Variants in PTK2 observed in about 807,000 individuals in gnomAD.
PTK2 encodes the protein protein tyrosine kinase 2.
In PTK2, 45 loss-of-function variants were observed where a neutral mutation model predicts 150.1. That is an observed-to-expected ratio of 0.30 (90% CI 0.24 to 0.38). The LOEUF is 0.38. Among genes scored for constraint, PTK2 ranks in the 10% least tolerant of loss-of-function variants. The probability of loss-of-function intolerance (pLI) is 1.00; values close to 1 mark genes in which losing one functional copy is unlikely to be tolerated. For missense variants in PTK2, 919 were observed against 1,307.3 expected (o/e 0.70, Z 4.58); for synonymous variants, 432 against 449.2 (o/e 0.96, Z 0.48).
chr8:140,705,012 T>C (rs1052354437), intron 24 of PTK2, among the ~76,000 whole-genome samples: 3 of 152,088 alleles, frequency 2.0e-5, no homozygotes, highest in African/African-American at 7.2e-5. Flanking sequence ...CAGAACAGTG[T>C]CTCCCAAAAC....
At chr8:140,821,440 C>T (rs2100108508) in intron 8 of PTK2, 1 of 152,098 alleles carries the variant, frequency 6.6e-6, no homozygotes, top group Non-Finnish European at 1.5e-5. Context: ...AGTAAAGAAT[C>T]CAGGAAAAGT....
intron 1 of PTK2, among the ~76,000 whole-genome samples, chr8:140,943,977 G>A (rs140061085): frequency 2.0e-4 from 30 of 152,228 alleles, no homozygotes; most frequent in African/African-American, 6.7e-4. Context: ...AAAAAATGCT[G>A]AAGTGTTTGT....
chr8:140,662,296 C>CA lies in PTK2; in HGVS notation c.2947-2619dup, dbSNP rs575384587. Among the ~76,000 whole-genome samples, 203 of 124,552 alleles carry CA rather than the reference C, an allele frequency of 1.6e-3. 1 individual carries two copies. The highest frequency in any genetic ancestry group is 3.2e-3 in the African/African-American group (107 of 33,124). The allele number at this position is 124,552 out of a possible 152,430, so 81.7% of individuals were successfully genotyped here. Reference sequence around the variant, plus strand: ...TGGGTGACAGAGACAGACCCTGTCTCAAAAAAAAAAAAATTAATAATTAAA... The same window carrying CA: ...TGGGTGACAGAGACAGACCCTGTCTCAAAAAAAAAAAAAATTAATAATTAAA... On this transcript the variant is annotated intron_variant, in intron 31 of 31. Coordinates refer to ENST00000522684, the Ensembl canonical transcript of PTK2.
rs970656328 is a variant in PTK2 at position 140,719,861 on chromosome 8, G to C, written c.2031-2152C>G. ...AGATAGCACCACTGCACTCCAGCCT[G>C]GGTGACAGAGTGAGACTTGTCTCAC... On this transcript the variant is annotated intron_variant, in intron 22 of 31. Transcript: ENST00000522684. Among the ~76,000 whole-genome samples, 235 of 141,472 alleles carry C rather than the reference G, an allele frequency of 1.7e-3. 2 individuals carry two copies. Among genetic ancestry groups the C allele is most frequent in the Admixed American group, 4.2e-3 (59 of 14,150 alleles). 92.8% of individuals were successfully genotyped at this position (141,472 alleles called of 152,430 possible). A position where few individuals can be genotyped will look rare whatever the true frequency, so the allele number is the denominator to read the frequency against.
Position 140,816,379 on chromosome 8 carries a change from A to G in PTK2, c.867+1898T>C, listed in dbSNP as rs912969531. 3.9e-5 allele frequency among the ~76,000 whole-genome samples: 6 copies of G among 152,218 alleles called. No homozygotes were observed. The South Asian group carries it at 1.2e-3, about 32-fold the overall frequency. On this transcript the variant is annotated intron_variant, in intron 10 of 31. Coordinates refer to ENST00000522684, the Ensembl canonical transcript of PTK2. The stretch of plus-strand genomic sequence containing the variant: ...AGCACTTTCACAAAATTTCACAAAA[A>G]TTTATTCTGTTTTCCTCTGTGAATA...
chr8:140,922,995 C>A (rs2100168116), intron 2 of PTK2, among the ~76,000 whole-genome samples: 2 of 152,102 alleles, frequency 1.3e-5, no homozygotes, highest in Admixed American at 1.3e-4. Flanking sequence ...GATGAGAGGA[C>A]AAACAAGAAA....
intron 14 of PTK2, 27 bp from the exon 15 acceptor site, chr8:140,770,826 A>T (rs1233133301): frequency 8.9e-7 from 1 of 1,126,662 alleles, no homozygotes; most frequent in Non-Finnish European, 1.2e-6. Flanking sequence ...GAGGGGAAAG[A>T]GAAAAATAGA....
chr8:140,712,809 C>T lies in PTK2; in HGVS notation c.2142+4789G>A, dbSNP rs992307150. 4.6e-5 allele frequency among the ~76,000 whole-genome samples: 7 copies of T among 152,144 alleles called. No homozygotes were observed. In the East Asian group the frequency reaches 7.7e-4, roughly 17 times the overall value. On this transcript the variant is annotated intron_variant, in intron 23 of 31. Transcript: ENST00000522684. ...GTCAAGATCACGGTAATAAGTTTTT[C>T]AAAATTCTAATTTTTGCTTGAAAAC...
rs547896665 is a variant in PTK2, at chr8:140,691,455, G to T, written c.2500-4761C>A. Reference sequence around the variant, plus strand: ...TTAAAACTCTCAACCAATTCATAAAGAAAATACTGTATAATATATTGTTGT... The same window carrying T: ...TTAAAACTCTCAACCAATTCATAAATAAAATACTGTATAATATATTGTTGT... On this transcript the variant is annotated intron_variant, in intron 26 of 31. Coordinates refer to ENST00000522684, the Ensembl canonical transcript of PTK2. 7.2e-5 allele frequency among the ~76,000 whole-genome samples: 11 copies of T among 152,236 alleles called. No homozygotes were observed. In the South Asian group the frequency reaches 2.3e-3, roughly 32 times the overall value.
At chr8:140,770,719 T>C (rs79812711) in intron 14 of PTK2, 222,561 of 1,331,896 alleles carry the variant, frequency 0.17, 21,782 homozygotes, top group East Asian at 0.51. Context: ...GCAGTACCCG[T>C]AGAAGGAGGA....
chr8:140,802,821 T>C (rs1566687300), intron 11 of PTK2, among the ~76,000 whole-genome samples: 2 of 152,154 alleles, frequency 1.3e-5, no homozygotes, highest in Admixed American at 6.5e-5. Flanking sequence ...CAACAGGCTA[T>C]ATTGTATAGC....
At chr8:140,829,117 G>A (rs2100113731) in intron 8 of PTK2, among the ~76,000 whole-genome samples, 2 of 152,162 alleles carry the variant, frequency 1.3e-5, no homozygotes, top group East Asian at 3.9e-4. Context: ...TGAAAAAGTC[G>A]AGCAGCATCA....
rs2100050872 is a variant in PTK2 at position 140,733,674 on chromosome 8, A to G, written c.2030+1577T>C. Among the ~76,000 whole-genome samples the G allele has an allele frequency of 4.6e-5, 7 of 152,330 alleles. No individual in the cohort carries two copies. The South Asian group carries it at 1.5e-3, about 32-fold the overall frequency. On this transcript the variant is annotated intron_variant, in intron 22 of 31. Coordinates refer to ENST00000522684, the Ensembl canonical transcript of PTK2. ...GTGAGAGAATAGGCAGTTAAGTTAT[A>G]TGAGAATTAATTAAGGAACTGAAGA... is the stretch of plus-strand genomic sequence containing the variant.
At chr8:140,858,802 C>T (rs1337504198) in intron 5 of PTK2, among the ~76,000 whole-genome samples, 1 of 152,180 alleles carries the variant, frequency 6.6e-6, no homozygotes, top group Non-Finnish European at 1.5e-5. Context: ...TCAAGCAAAA[C>T]TGGAACCTTA....
At chr8:140,916,742 C>T (rs1296311847) in intron 2 of PTK2, among the ~76,000 whole-genome samples, 1 of 152,124 alleles carries the variant, frequency 6.6e-6, no homozygotes, top group Non-Finnish European at 1.5e-5. Context: ...CGTTATGATC[C>T]TACCATTTTT....
chr8:140,985,829 A>G lies in PTK2; in HGVS notation c.-122+15296T>C, dbSNP rs75098515. On this transcript the variant is annotated intron_variant, in intron 1 of 31. Transcript: ENST00000522684. Reference sequence around the variant, plus strand: ...AACTGACATATTTGTAAGTTAAAATATCAATACTTAATAGTTATCTACTCA... The same window carrying G: ...AACTGACATATTTGTAAGTTAAAATGTCAATACTTAATAGTTATCTACTCA... Among the ~76,000 whole-genome samples, 11 of 152,368 alleles carry G rather than the reference A, an allele frequency of 7.2e-5. No individual in the cohort carries two copies. The South Asian group carries it at 2.1e-3, about 29-fold the overall frequency.
At chr8:140,901,461 G>C (rs1568480675) in intron 2 of PTK2, among the ~76,000 whole-genome samples, 1 of 152,048 alleles carries the variant, frequency 6.6e-6, no homozygotes, top group Non-Finnish European at 1.5e-5. Context: ...CAGAGCAAAA[G>C]ACACAATTAA....
chr8:140,711,164 T>A (rs2100036641), intron 23 of PTK2, among the ~76,000 whole-genome samples: 1 of 152,356 alleles, frequency 6.6e-6, no homozygotes, highest in East Asian at 1.9e-4. Context: ...TAGAGTGCAG[T>A]GGCGTGATCT....
chr8:140,752,171 C>T, intron 17 of PTK2, 61 bp downstream of exon 20: 4 of 1,326,194 alleles, frequency 3.0e-6, no homozygotes, highest in Non-Finnish European at 4.3e-6. Context: ...TCTTCAGAGA[C>T]AGTTTGGATT....
Sources: allele counts gnomAD v4.1 joint callset (sites outside exome capture counted in the v4.1 genomes callset), GRCh38; gene constraint gnomAD v4.1.1; transcripts MANE v1.5; gene names NCBI Gene and HGNC (gene_info 2026-07-23, HGNC 2026-07-21).